Variants in CNTN6 observed in about 807,000 individuals in gnomAD.
CNTN6 encodes contactin 6, also known as contactin-6.
Under a neutral mutation model 122.8 loss-of-function variants are expected in CNTN6, and 137 were observed. That is an observed-to-expected ratio of 1.12 (90% confidence interval 0.97 to 1.29). The LOEUF is 1.29. Ranked by LOEUF, CNTN6 falls within the 50% of genes most tolerant of loss-of-function variation. The probability of loss-of-function intolerance (pLI) is 0.00; values close to 1 mark genes in which losing one functional copy is unlikely to be tolerated. For missense variants in CNTN6, 1,634 were observed against 1,223.4 expected (o/e 1.34, Z -5.01); for synonymous variants, 570 against 426.0 (o/e 1.34, Z -4.16).
chr3:1,194,493 T>C (rs2093747474), intron 2 of CNTN6, among the ~76,000 whole-genome samples: 1 of 152,162 alleles, frequency 6.6e-6, no homozygotes, highest in Non-Finnish European at 1.5e-5. Flanking sequence ...TACATTAATA[T>C]ATTAATATGC....
chr3:1,377,931 T>A (rs114119065), intron 17 of CNTN6, among the ~76,000 whole-genome samples: 14,141 of 152,110 alleles, frequency 0.093, 877 homozygotes, highest in Middle Eastern at 0.14. Context: ...TTCTGCGTTT[T>A]TTAATTTATT....
intron 20 of CNTN6, among the ~76,000 whole-genome samples, chr3:1,391,784 A>T (rs543862414): frequency 0.031 from 4,608 of 150,320 alleles, 189 homozygotes; most frequent in African/African-American, 0.11. Context: ...GAGCCAAATC[A>T]TGAGTGAACT....
intron 1 of CNTN6, among the ~76,000 whole-genome samples, chr3:1,120,027 G>T (rs747339366): frequency 3.3e-4 from 50 of 151,938 alleles, no homozygotes; most frequent in Admixed American, 2.6e-4. Context: ...CACATTGTCA[G>T]TTTCATCCAT....
chr3:1,172,949 A>C (rs986185794), intron 2 of CNTN6, among the ~76,000 whole-genome samples: 1 of 152,164 alleles, frequency 6.6e-6, no homozygotes, highest in Admixed American at 6.5e-5. Context: ...CATAATGCAC[A>C]TGTCTTCCTA....
chr3:1,133,970 T>A (rs1009447562), intron 1 of CNTN6, among the ~76,000 whole-genome samples: 4 of 151,492 alleles, frequency 2.6e-5, no homozygotes, highest in Non-Finnish European at 5.9e-5. Context: ...ACCTTCACAA[T>A]CAATCGGCCT....
At chr3:1,190,002 T>C (rs528238314) in intron 2 of CNTN6, among the ~76,000 whole-genome samples, 2 of 152,316 alleles carry the variant, frequency 1.3e-5, no homozygotes, top group Admixed American at 6.5e-5. Flanking sequence ...ACAGACTGGC[T>C]GTCTTAAAGA....
At chr3:1,301,510 G>A (rs764992593) in intron 7 of CNTN6, among the ~76,000 whole-genome samples, 2 of 152,106 alleles carry the variant, frequency 1.3e-5, no homozygotes, top group Non-Finnish European at 2.9e-5. Context: ...CGTTGAACAT[G>A]AAATAATGTT....
At chr3:1,142,265 G>A (rs2092626264) in intron 1 of CNTN6, among the ~76,000 whole-genome samples, 1 of 150,778 alleles carries the variant, frequency 6.6e-6, no homozygotes, top group East Asian at 1.9e-4. Context: ...AACTCTTAAT[G>A]TTGTTTGGGT....
intron 20 of CNTN6, among the ~76,000 whole-genome samples, chr3:1,386,262 T>C (rs1325397670): frequency 1.0e-5 from 1 of 97,190 alleles, no homozygotes; most frequent in South Asian, 3.1e-4. Flanking sequence ...CAGTAAATGG[T>C]TTTTTTGTTT....
At chr3:1,167,613 C>T (rs941766971) in intron 2 of CNTN6, among the ~76,000 whole-genome samples, 14 of 152,184 alleles carry the variant, frequency 9.2e-5, no homozygotes, top group Admixed American at 8.5e-4. Context: ...CTTAAACATA[C>T]CGTAAGTCCC....
Position 1,157,406 on chromosome 3 carries a change from G to A in CNTN6, c.55+9343G>A, listed in dbSNP as rs751057476. Among the ~76,000 whole-genome samples, 4 of 151,630 alleles carry A rather than the reference G, an allele frequency of 2.6e-5. No homozygotes were observed. In the South Asian group the frequency reaches 8.4e-4, roughly 32 times the overall value. On this transcript the variant is annotated intron_variant, in intron 2 of 22. Transcript: ENST00000446702. Reference sequence around the variant, plus strand: ...CTAATTTTGTATATTTAGTAGAGACGGGGCTTCACCACGTTAGCTAGCCTG... The same window carrying A: ...CTAATTTTGTATATTTAGTAGAGACAGGGCTTCACCACGTTAGCTAGCCTG...
intron 2 of CNTN6, among the ~76,000 whole-genome samples, chr3:1,155,455 T>C (rs1017766503): frequency 6.6e-6 from 1 of 151,748 alleles, no homozygotes; most frequent in Non-Finnish European, 1.5e-5. Flanking sequence ...AATGTTTTAG[T>C]CACAATATAT....
chr3:1,351,218 T>C (rs1705576273), intron 11 of CNTN6, among the ~76,000 whole-genome samples: 1 of 151,968 alleles, frequency 6.6e-6, no homozygotes, highest in Non-Finnish European at 1.5e-5. Context: ...AATTGAGTAA[T>C]TAATTATATT....
chr3:1,305,259 C>G (rs1698172848), intron 7 of CNTN6, among the ~76,000 whole-genome samples: 1 of 152,234 alleles, frequency 6.6e-6, no homozygotes, highest in South Asian at 2.1e-4. Flanking sequence ...GAAGTGTTTA[C>G]TCATATAATC....
chr3:1,363,603 A>T (rs538289766), intron 12 of CNTN6, among the ~76,000 whole-genome samples: 38 of 152,004 alleles, frequency 2.5e-4, no homozygotes, highest in Admixed American at 4.6e-4. Flanking sequence ...TCCTTCTTTT[A>T]TAGAGCTGAA....
intron 11 of CNTN6, among the ~76,000 whole-genome samples, chr3:1,341,838 A>C (rs990011941): frequency 2.0e-5 from 3 of 152,166 alleles, no homozygotes; most frequent in African/African-American, 7.2e-5. Flanking sequence ...TTGTAAATAC[A>C]ATTACAGACA....
At chr3:1,127,482 A>T (rs1383756969) in intron 1 of CNTN6, among the ~76,000 whole-genome samples, 2 of 151,900 alleles carry the variant, frequency 1.3e-5, no homozygotes, top group African/African-American at 4.8e-5. Flanking sequence ...ATGTAAACGC[A>T]TAGACCTCTC....
intron 2 of CNTN6, among the ~76,000 whole-genome samples, chr3:1,199,121 C>T (rs1032477588): frequency 6.6e-6 from 1 of 151,450 alleles, no homozygotes; most frequent in Admixed American, 6.6e-5. Context: ...CTGCTGACAC[C>T]TCGGTTTCAG....
intron 5 of CNTN6, among the ~76,000 whole-genome samples, chr3:1,294,585 T>C (rs1695881163): frequency 6.6e-6 from 1 of 152,174 alleles, no homozygotes. Flanking sequence ...ATGTCATTTA[T>C]ACAGTTACCC....
Sources: gnomAD v4.1 joint callset for allele counts (sites outside exome capture counted in the v4.1 genomes callset) on GRCh38, gnomAD v4.1.1 for gene constraint, MANE v1.5 for transcripts, NCBI Gene and HGNC (gene_info 2026-07-23, HGNC 2026-07-21) for gene names.